Variants in SAXO1 observed in about 807,000 individuals in gnomAD.
SAXO1 encodes 4930500O09Rik.
In SAXO1, 21 loss-of-function variants were observed where a neutral mutation model predicts 17.5. The ratio of observed to expected loss-of-function variants is 1.20; its 90% CI spans 0.85 to 1.72. The LOEUF is 1.72. Ranked by LOEUF, SAXO1 falls within the 40% of genes most tolerant of loss-of-function variation. SAXO1 has a pLI of 0.00. For missense variants in SAXO1, 843 were observed against 596.0 expected, an observed-to-expected ratio of 1.41 and a Z score of -4.32; for synonymous variants, 274 against 216.5, an observed-to-expected ratio of 1.27 and a Z score of -2.33.
At chr9:19,041,453 T>C (rs2131071013) in intron 1 of SAXO1, among the ~76,000 whole-genome samples, 1 of 152,230 alleles carries the variant, frequency 6.6e-6, no homozygotes, top group South Asian at 2.1e-4. Flanking sequence ...AATCCTAAAA[T>C]GTATATGGAA....
At chr9:18,938,229 G>T (rs1024000712) in intron 3 of SAXO1, among the ~76,000 whole-genome samples, 2 of 152,152 alleles carry the variant, frequency 1.3e-5, no homozygotes, top group Non-Finnish European at 2.9e-5. Flanking sequence ...TTGTCAGTAG[G>T]GAAGTCAGCC....
intron 1 of SAXO1, among the ~76,000 whole-genome samples, chr9:18,959,214 G>T (rs533808334): frequency 6.6e-6 from 1 of 152,268 alleles, no homozygotes; most frequent in South Asian, 2.1e-4. Flanking sequence ...GTTAACTCTG[G>T]GGTGGTCATC....
chr9:19,009,844 T>TG (rs1834650968), intron 1 of SAXO1, among the ~76,000 whole-genome samples: 1 of 151,174 alleles, frequency 6.6e-6, no homozygotes, highest in African/African-American at 2.4e-5. Context: ...TTTTTTTTTT[T>TG]GAGACAAGGT....
chr9:19,036,876 G>A (rs918610368), upstream of SAXO1, among the ~76,000 whole-genome samples: 1 of 152,092 alleles, frequency 6.6e-6, no homozygotes, highest in Non-Finnish European at 1.5e-5. Flanking sequence ...TGCACTGTGT[G>A]CCTGGTAAAG....
At chr9:19,034,568 C>G (rs1835886218), upstream of SAXO1, among the ~76,000 whole-genome samples, 2 of 152,126 alleles carry the variant, frequency 1.3e-5, no homozygotes. Context: ...TGACATTTTA[C>G]AGAGAGAGAG....
chr9:18,954,876 A>T (rs1448980602), intron 1 of SAXO1, among the ~76,000 whole-genome samples: 1 of 151,878 alleles, frequency 6.6e-6, no homozygotes, highest in Non-Finnish European at 1.5e-5. Flanking sequence ...TAAGAATATA[A>T]CAACTGCACT....
rs544705019 is a variant in SAXO1 at position 19,040,322 on chromosome 9, T to G, written c.-158+8887A>C. Among the ~76,000 whole-genome samples the G allele has an allele frequency of 3.3e-5, 5 of 152,266 alleles. No homozygotes were observed. The East Asian group carries it at 9.6e-4, about 29-fold the overall frequency. On this transcript the variant is annotated intron_variant, in intron 1 of 3. Coordinates refer to the SAXO1 transcript ENST00000542071. The stretch of plus-strand genomic sequence containing the variant: ...GGGAAAGTCAAGCACCTAATACGAC[T>G]CATTTAGCATGGGTGAAATTTGATT...
intron 1 of SAXO1, among the ~76,000 whole-genome samples, chr9:18,998,257 G>A (rs969426895): frequency 6.6e-6 from 1 of 152,092 alleles, no homozygotes; most frequent in East Asian, 1.9e-4. Flanking sequence ...AACCTATGTA[G>A]AGAAGAGCTT....
At chr9:18,936,211 C>T (rs2131683358) in intron 3 of SAXO1, among the ~76,000 whole-genome samples, 1 of 152,308 alleles carries the variant, frequency 6.6e-6, no homozygotes, top group Non-Finnish European at 1.5e-5. Flanking sequence ...GCTGATAATA[C>T]TACCAACTAT....
chr9:18,968,113 A>G lies in SAXO1; in HGVS notation c.39-17176T>C, dbSNP rs79902272. On this transcript the variant is annotated intron_variant, in intron 1 of 3. Transcript: ENST00000380534. ...CCAGTCCCAATGAGACTAAGTGAGT[A>G]CCTCAGTTGGAAATGCAGAAATCAC... Among the ~76,000 whole-genome samples the G allele has an allele frequency of 1.5e-3, 227 of 152,308 alleles. 6 individuals are homozygous for G. In the East Asian group the frequency reaches 0.035, roughly 24 times the overall value.
chr9:18,929,075 G>A lies in SAXO1; in HGVS notation c.422-20C>T. On this transcript the variant is annotated intron_variant, in intron 3 of 3. Coordinates refer to ENST00000380534, the MANE Select transcript of SAXO1 (RefSeq NM_153707.4). ...AATCAGCTGAAATTAAAGCAGAAGA[G>A]GTAATTAATAATAAATCAAGTCAAC... 6.2e-7 allele frequency: 1 copy of A among 1,608,728 alleles called. No homozygotes were observed. The highest frequency in any genetic ancestry group is 1.1e-5 in the South Asian group (1 of 90,464).
intron 1 of SAXO1, among the ~76,000 whole-genome samples, 166 bp downstream of exon 1, chr9:19,032,705 C>T (rs747909174): frequency 4.6e-5 from 7 of 152,344 alleles, no homozygotes; most frequent in East Asian, 1.9e-4. Context: ...ACTGATGTGG[C>T]GTCCGCGGGC....
At chr9:19,002,479 G>A (rs1055829191) in intron 1 of SAXO1, among the ~76,000 whole-genome samples, 9 of 152,114 alleles carry the variant, frequency 5.9e-5, no homozygotes, top group Admixed American at 2.6e-4. Context: ...GATGAACATC[G>A]ATGCAAAAAT....
chr9:18,947,764 A>G (rs1831858346), intron 2 of SAXO1: 1 of 152,228 alleles, frequency 6.6e-6, no homozygotes, highest in African/African-American at 2.4e-5. Flanking sequence ...AAAGAGTTTC[A>G]CACTAAGAAT....
At chr9:18,962,826 G>A (rs770393863) in intron 1 of SAXO1, among the ~76,000 whole-genome samples, 3 of 152,240 alleles carry the variant, frequency 2.0e-5, no homozygotes, top group Admixed American at 2.0e-4. Flanking sequence ...GTCAATTTTG[G>A]CTTTTGTCGC....
chr9:19,027,694 G>C (rs1330399226), intron 1 of SAXO1: 4 of 1,355,922 alleles, frequency 3.0e-6, no homozygotes, highest in Non-Finnish European at 2.1e-6. Context: ...TCACTGATGA[G>C]CTGGATGCCA....
intron 1 of SAXO1, among the ~76,000 whole-genome samples, chr9:18,963,251 C>A (rs985154473): frequency 6.6e-6 from 1 of 152,072 alleles, no homozygotes; most frequent in African/African-American, 2.4e-5. Flanking sequence ...CAGCTTTGTT[C>A]TTTTTGCTTA....
chr9:19,032,248 G>T (rs1331597797), intron 1 of SAXO1, among the ~76,000 whole-genome samples: 1 of 152,156 alleles, frequency 6.6e-6, no homozygotes, highest in African/African-American at 2.4e-5. Context: ...GTGAGTGACA[G>T]CAGACCAGTC....
intron 1 of SAXO1, among the ~76,000 whole-genome samples, chr9:18,965,728 C>T (rs1832690549): frequency 6.6e-6 from 1 of 152,150 alleles, no homozygotes; most frequent in Non-Finnish European, 1.5e-5. Flanking sequence ...TTAATTGGAG[C>T]ATTTAGCCCA....
Sources: allele counts gnomAD v4.1 joint callset (sites outside exome capture counted in the v4.1 genomes callset), GRCh38; gene constraint gnomAD v4.1.1; transcripts MANE v1.5; gene names NCBI Gene and HGNC (gene_info 2026-07-23, HGNC 2026-07-21).